The following BTBD7 variants were observed in gnomAD, a reference collection of about 807,000 sequenced individuals.
BTBD7 encodes BTB domain containing 7.
In BTBD7, 38 loss-of-function variants were observed where a neutral mutation model predicts 99.9. The ratio of observed to expected loss-of-function variants is 0.38; its 90% CI spans 0.29 to 0.50. The LOEUF is 0.50. Among genes scored for constraint, BTBD7 ranks in the 20% least tolerant of loss-of-function variants. BTBD7 has a pLI of 0.93. For missense variants in BTBD7, 1,170 were observed against 1,394.6 expected (o/e 0.84, Z 2.57); for synonymous variants, 520 against 511.4 (o/e 1.02, Z -0.23).
chr14:93,268,639 GATTAAA>G (rs2052567893), intron 3 of BTBD7, among the ~76,000 whole-genome samples: 1 of 150,994 alleles, frequency 6.6e-6, no homozygotes, highest in East Asian at 2.0e-4. Context: ...GACTCAGAAA[GATTAAA>G]TAAGTTACCC....
At position 93,248,605 on chromosome 14, in the gene BTBD7, C is replaced by A; in HGVS notation, c.1992G>T (p.Leu664=). 6.2e-7 allele frequency: 1 copy of A among 1,613,688 alleles called. No individual in the cohort carries two copies. Among genetic ancestry groups the A allele is most frequent in the Non-Finnish European group, 8.5e-7 (1 of 1,179,954 alleles). The change falls in exon 9 of 11, where the codon CTG becomes CTT. Residue 664 remains leucine, a synonymous_variant. Transcript: ENST00000334746. Reference sequence around the variant, plus strand: ...CCCTCTGCACCTGCTCCGTGTGCCGCAGTTCCTGCAGTCGTCTGACCATGT... The same window carrying A: ...CCCTCTGCACCTGCTCCGTGTGCCGAAGTTCCTGCAGTCGTCTGACCATGT... ...MKDMVRRLQE[L]RHTEQVQRAY...
Position 93,257,219 on chromosome 14 carries a change from T to C in BTBD7, c.1584A>G (p.Ile528Met). 1.2e-6 allele frequency: 2 copies of C among 1,614,086 alleles called. No individual in the cohort carries two copies. Among genetic ancestry groups the C allele is most frequent in the South Asian group, 1.1e-5 (1 of 91,060 alleles). The change falls in exon 6 of 11, where the codon ATA (isoleucine) becomes ATG (methionine). Residue 528 changes from isoleucine to methionine, a missense_variant. Physicochemically the swap from Ile to Met is conservative, Grantham distance 10. Around this residue, in one of 4 missense-constraint regions of BTBD7, gnomAD observed 309 missense variants for 342.0 expected, o/e 0.90. Coordinates refer to ENST00000334746, the MANE Select transcript of BTBD7 (RefSeq NM_001002860.4). ...CTGCATCACTTAAGACTTCACTGTT[T>C]ATAGGTAAGATGTGTTCAATTCGCA... ...PFVRIEHILPINSEVLSDAMK... is the reference protein window; with the variant it reads ...PFVRIEHILPMNSEVLSDAMK...
At chr14:93,319,079 T>C (rs2053240251) in intron 1 of BTBD7, among the ~76,000 whole-genome samples, 1 of 152,164 alleles carries the variant, frequency 6.6e-6, no homozygotes. Context: ...TGATAGTGTG[T>C]GCCTGCAGTC....
At chr14:93,281,563 T>TA (rs1415087001) in intron 3 of BTBD7, among the ~76,000 whole-genome samples, 2 of 152,218 alleles carry the variant, frequency 1.3e-5, no homozygotes, top group East Asian at 1.9e-4. Flanking sequence ...GACAGTAACT[T>TA]AAAAAACATC....
intron 1 of BTBD7, among the ~76,000 whole-genome samples, chr14:93,315,153 T>C (rs2053184777): frequency 6.6e-6 from 1 of 152,194 alleles, no homozygotes; most frequent in South Asian, 2.1e-4. Context: ...GTTAGGACAA[T>C]ATTTGAGAAA....
Position 93,242,741 on chromosome 14 carries a change from C to T in BTBD7, c.2931G>A (p.Leu977=). 3 of 1,614,176 alleles carry T rather than the reference C, an allele frequency of 1.9e-6. No homozygotes were observed. The highest frequency in any genetic ancestry group is 2.2e-5 in the South Asian group (2 of 91,076). ...TTGGTGATGCCTTATTGTGGCTGTA[C>T]AGATCGGGACCAAAATATCCACCTT... ...PSQGGYFGPD[L]YSHNKASPSG... The change falls in exon 11 of 11, where the codon CTG becomes CTA. Residue 977 remains leucine, a synonymous_variant. Transcript: ENST00000334746.
chr14:93,332,624 T>C (rs1471245433), intron 1 of BTBD7, among the ~76,000 whole-genome samples, 196 bp downstream of exon 1: 1 of 151,374 alleles, frequency 6.6e-6, no homozygotes. Flanking sequence ...GACCGGCCAG[T>C]CCGGCGCCGC....
At chr14:93,316,705 A>G (rs1047306507) in intron 1 of BTBD7, among the ~76,000 whole-genome samples, 3 of 152,224 alleles carry the variant, frequency 2.0e-5, no homozygotes, top group African/African-American at 4.8e-5. Context: ...TGCTGAATCT[A>G]TGAATGAAAT....
intron 3 of BTBD7, among the ~76,000 whole-genome samples, chr14:93,266,177 T>C (rs76012434): frequency 6.6e-6 from 1 of 152,092 alleles, no homozygotes; most frequent in Non-Finnish European, 1.5e-5. Context: ...TTTTTTTTTT[T>C]CACTGAATGA....
intron 1 of BTBD7, among the ~76,000 whole-genome samples, chr14:93,299,409 A>G (rs2052966290): frequency 6.6e-6 from 1 of 152,218 alleles, no homozygotes; most frequent in Admixed American, 6.5e-5. Flanking sequence ...CTCTCCAGGC[A>G]AGCCTGGTCT....
intron 8 of BTBD7, among the ~76,000 whole-genome samples, chr14:93,251,034 T>C (rs2052362775): frequency 6.6e-6 from 1 of 152,222 alleles, no homozygotes; most frequent in Non-Finnish European, 1.5e-5. Flanking sequence ...AATGGGTGAC[T>C]TTGTCCCACA....
chr14:93,253,422 TATAAA>T (rs2139688070), intron 7 of BTBD7, among the ~76,000 whole-genome samples: 1 of 152,272 alleles, frequency 6.6e-6, no homozygotes, highest in East Asian at 1.9e-4. Context: ...ATGAGAAAAA[TATAAA>T]ATGCATTTTA....
At chr14:93,256,734 T>TA (rs1196852865) in intron 6 of BTBD7, 1 of 153,036 alleles carries the variant, frequency 6.5e-6, no homozygotes, top group African/African-American at 2.4e-5. Context: ...TATTAATTTT[T>TA]AAAAAATTCA....
chr14:93,280,303 C>T (rs929348432), intron 3 of BTBD7, among the ~76,000 whole-genome samples: 1 of 152,146 alleles, frequency 6.6e-6, no homozygotes, highest in Non-Finnish European at 1.5e-5. Context: ...TTTACTGAAT[C>T]GGTTTCAAAA....
At chr14:93,313,632 A>G (rs1181213231) in intron 1 of BTBD7, among the ~76,000 whole-genome samples, 1 of 151,920 alleles carries the variant, frequency 6.6e-6, no homozygotes, top group Non-Finnish European at 1.5e-5. Flanking sequence ...TTCTGAGTCT[A>G]GTGAAGAGGA....
intron 3 of BTBD7, among the ~76,000 whole-genome samples, chr14:93,290,753 C>T (rs1436109441): frequency 1.3e-5 from 2 of 151,670 alleles, no homozygotes; most frequent in Non-Finnish European, 1.5e-5. Flanking sequence ...TGCAGTGGTG[C>T]GATCTCAGCT....
chr14:93,307,045 T>C (rs1047264938), intron 1 of BTBD7, among the ~76,000 whole-genome samples: 4 of 152,376 alleles, frequency 2.6e-5, no homozygotes, highest in African/African-American at 9.6e-5. Flanking sequence ...TGGAATGTCA[T>C]GTCAGCAGTA....
chr14:93,257,106 A>C, intron 6 of BTBD7, 89 bp downstream of exon 6: 1 of 1,313,056 alleles, frequency 7.6e-7, no homozygotes, highest in Non-Finnish European at 1.1e-6. Flanking sequence ...ACAATACTCT[A>C]TTAGTAGCAG....
chr14:93,245,988 G>A lies in BTBD7; in HGVS notation c.2420C>T (p.Ala807Val). The A allele has an allele frequency of 1.2e-6, 2 of 1,614,162 alleles. No homozygotes were observed. Among genetic ancestry groups the A allele is most frequent in the South Asian group, 1.1e-5 (1 of 91,084 alleles). Reference protein sequence around the residue: ...CNHSLFHSRTAPKAGPPPVYL... With the variant: ...CNHSLFHSRTVPKAGPPPVYL... ...GACTGGGGGAGGGCCAGCTTTAGGA[G>A]CTGTTCTGGAGTGGAACAGCGAATG... is the stretch of plus-strand genomic sequence containing the variant. Residue 807 changes from alanine (A) to valine (V), a missense_variant, in exon 10 of 11, where the codon GCT becomes GTT. Ala to Val is a moderately conservative substitution (Grantham distance 64). Transcript: ENST00000334746.
Sources: gnomAD v4.1 joint callset for allele counts (sites outside exome capture counted in the v4.1 genomes callset) on GRCh38, gnomAD v4.1.1 for gene constraint, gnomAD v4.1.1 regional missense constraint, MANE v1.5 for transcripts, NCBI Gene and HGNC (gene_info 2026-07-23, HGNC 2026-07-21) for gene names.